The following IL36A variants were observed in gnomAD, a reference collection of about 807,000 sequenced individuals.
IL36A encodes interleukin-36 alpha.
A neutral mutation model predicts 12.7 loss-of-function variants in IL36A; 13 were observed. The observed-to-expected ratio is 1.02, with a 90% CI of 0.67 to 1.63. IL36A has a LOEUF of 1.63. Among genes scored for constraint, IL36A ranks in the 40% most tolerant of loss-of-function variants. The pLI, the probability that IL36A is intolerant of heterozygous loss-of-function variation, is 0.00. For synonymous variants in IL36A, 73 were observed against 71.9 expected, an observed-to-expected ratio of 1.01 and a Z score of -0.08; for missense variants, 195 against 192.9, an observed-to-expected ratio of 1.01 and a Z score of -0.07.
downstream of IL36A, among the ~76,000 whole-genome samples, chr2:113,010,003 A>G (rs975488576): frequency 2.0e-5 from 3 of 150,046 alleles, no homozygotes; most frequent in African/African-American, 7.5e-5. Flanking sequence ...TATTTTGAAG[A>G]CTTCTTTTTA....
At chr2:113,008,971 T>TC (rs1684688779), downstream of IL36A, among the ~76,000 whole-genome samples, 1 of 38,132 alleles carries the variant, frequency 2.6e-5, no homozygotes, top group African/African-American at 1.1e-4. Context: ...CCCTCCCCCC[T>TC]CCCCCCACCC....
chr2:113,010,216 C>T (rs1417049512), downstream of IL36A, among the ~76,000 whole-genome samples: 1 of 152,156 alleles, frequency 6.6e-6, no homozygotes, highest in African/African-American at 2.4e-5. Context: ...AATTCCAGGG[C>T]CCTGCAGGCA....
chr2:113,005,978 G>C lies in IL36A; in HGVS notation c.15G>C (p.Leu5Phe), dbSNP rs764837494. ...ACATTTTGACTTTCTCAACAGCATT[G>C]AAAATTGACACACCTCAGCAGGGGA... MEKALKIDTPQQGSI... is the reference protein window; with the variant it reads MEKAFKIDTPQQGSI... Residue 5 changes from leucine (L) to phenylalanine (F), a missense_variant, in exon 2 of 4, where the codon TTG (leucine) becomes TTC (phenylalanine). Coordinates refer to ENST00000259211, the MANE Select transcript of IL36A (RefSeq NM_014440.3). 3.8e-5 allele frequency: 61 copies of C among 1,613,388 alleles called. No homozygotes were observed. The Middle Eastern group carries it at 6.6e-4, about 17-fold the overall frequency.
rs773138459 is a variant in IL36A at position 113,007,896 on chromosome 2, G to C, written c.329G>C (p.Ser110Thr). ...EPVKSFLFYH[S>T]QSGRNSTFES... ...GTGAAGTCCTTTCTCTTCTACCACA[G>C]CCAGAGTGGCAGGAACTCCACCTTC... The change falls in exon 4 of 4, where the codon AGC (serine) becomes ACC (threonine). Residue 110 changes from serine to threonine, a missense_variant. Physicochemically the swap from Ser to Thr is moderately conservative, Grantham distance 58. Coordinates refer to ENST00000259211, the MANE Select transcript of IL36A (RefSeq NM_014440.3). 1 of 1,614,162 alleles carries C rather than the reference G, an allele frequency of 6.2e-7. No homozygotes were observed. The highest frequency in any genetic ancestry group is 1.3e-5 in the African/African-American group (1 of 75,042).
intron 3 of IL36A, 67 bp from the exon 4 acceptor site, chr2:113,007,765 G>A: frequency 7.8e-7 from 1 of 1,275,892 alleles, no homozygotes; most frequent in Non-Finnish European, 1.1e-6. Context: ...TGGAATATCA[G>A]TGTGTAAAGA....
chr2:113,005,756 C>A lies in IL36A; in HGVS notation c.-116C>A. 8.5e-7 allele frequency: 1 copy of A among 1,176,344 alleles called. No individual in the cohort carries two copies. Among genetic ancestry groups the A allele is most frequent in the Non-Finnish European group, 1.3e-6 (1 of 781,482 alleles). 72.9% of individuals were successfully genotyped at this position (1,176,344 alleles called of 1,614,324 possible). ...GGTCACTGCTGGGCTGGCCGCCAGT[C>A]TTTCATCTGACCCAGGGTTAAACTG... On this transcript the variant is annotated 5_prime_UTR_variant, in exon 1 of 4. Transcript: ENST00000259211.
downstream of IL36A, among the ~76,000 whole-genome samples, chr2:113,010,878 T>C (rs1483254331): frequency 2.0e-5 from 3 of 152,216 alleles, no homozygotes. Context: ...CCTTCATTTC[T>C]CCTTCCCCCA....
chr2:113,006,827 C>A, intron 3 of IL36A, 90 bp downstream of exon 3: 5 of 1,403,332 alleles, frequency 3.6e-6, no homozygotes, highest in Middle Eastern at 2.3e-4. Context: ...TATGCTCATG[C>A]ATTTTTATTT....
chr2:113,006,643 AAGAC>A lies in IL36A; in HGVS notation c.174_177del (p.Asp58GlufsTer9). 6.2e-7 allele frequency: 1 copy of A among 1,614,134 alleles called. No individual in the cohort carries two copies. Among genetic ancestry groups the A allele is most frequent in the Non-Finnish European group, 8.5e-7 (1 of 1,180,002 alleles). On this transcript the variant is annotated frameshift_variant, in exon 3 of 4. Coordinates refer to ENST00000259211, the MANE Select transcript of IL36A (RefSeq NM_014440.3). LOFTEE classifies it high-confidence loss of function. ...TGCCGACATGTGGAGACCCTTGAGA[AAGAC>A]AGAGGGAACCCCATCTACCTGGGCC...
downstream of IL36A, chr2:113,008,095 A>C: frequency 6.8e-7 from 1 of 1,466,550 alleles, no homozygotes; most frequent in Non-Finnish European, 9.5e-7. Flanking sequence ...TCTTAGTATA[A>C]TCTTAGCCTG....
At chr2:113,009,864 C>T (rs959152382), downstream of IL36A, among the ~76,000 whole-genome samples, 1 of 152,194 alleles carries the variant, frequency 6.6e-6, no homozygotes. Flanking sequence ...AACTCACAAA[C>T]CATAAACTGA....
chr2:113,007,749 T>C lies in IL36A; in HGVS notation c.265-83T>C, dbSNP rs539055923. 4.4e-6 allele frequency: 5 copies of C among 1,125,120 alleles called. No individual in the cohort carries two copies. In the African/African-American group the frequency reaches 4.6e-5, roughly 10 times the overall value. 69.7% of individuals were successfully genotyped at this position (1,125,120 alleles called of 1,614,324 possible). A position where few individuals can be genotyped will look rare whatever the true frequency, so the allele number is the denominator to read the frequency against. ...TTCAATGAGTAGGGAATGCTATCCTTGGACGTGGAATATCAGTGTGTAAAG... is the reference window on the plus strand; with the variant it reads ...TTCAATGAGTAGGGAATGCTATCCTCGGACGTGGAATATCAGTGTGTAAAG... On this transcript the variant is annotated intron_variant, in intron 3 of 3. Transcript: ENST00000259211.
At chr2:113,009,893 A>G (rs978385302), downstream of IL36A, among the ~76,000 whole-genome samples, 1 of 152,248 alleles carries the variant, frequency 6.6e-6, no homozygotes, top group African/African-American at 2.4e-5. Context: ...GCATTCATCT[A>G]GAGAACACTT....
intron 2 of IL36A, 118 bp from the exon 3 acceptor site, chr2:113,006,480 G>A (rs929952719): frequency 9.1e-7 from 1 of 1,102,616 alleles, no homozygotes; most frequent in African/African-American, 1.6e-5. Flanking sequence ...TGGGTGGTGA[G>A]GTGACCATTC....
intron 2 of IL36A, 35 bp downstream of exon 2, chr2:113,006,122 T>C: frequency 7.5e-7 from 1 of 1,334,226 alleles, no homozygotes; most frequent in Non-Finnish European, 1.1e-6. Flanking sequence ...GCAGCTCCTT[T>C]GGCCAGTGCT....
downstream of IL36A, chr2:113,008,055 GT>G (rs777735633): frequency 7.1e-4 from 1,148 of 1,607,166 alleles, 1 homozygote; most frequent in Non-Finnish European, 9.2e-4. Flanking sequence ...GGTCAGTTGG[GT>G]TTGGAGGATA....
At chr2:113,009,927 C>T (rs1269291633), downstream of IL36A, among the ~76,000 whole-genome samples, 1 of 150,960 alleles carries the variant, frequency 6.6e-6, no homozygotes, top group Non-Finnish European at 1.5e-5. Flanking sequence ...CTTTTTAATC[C>T]TCTCTTATTT....
At position 113,006,105 on chromosome 2, in the gene IL36A, G is replaced by C. The variant is rs771173093; in HGVS notation, c.124+18G>C. The C allele has an allele frequency of 3.3e-6, 5 of 1,498,396 alleles. No homozygotes were observed. Among genetic ancestry groups the C allele is most frequent in the Non-Finnish European group, 4.7e-6 (5 of 1,074,744 alleles). 92.8% of individuals were successfully genotyped at this position (1,498,396 alleles called of 1,614,324 possible). On this transcript the variant is annotated intron_variant, in intron 2 of 3. Coordinates refer to ENST00000259211, the MANE Select transcript of IL36A (RefSeq NM_014440.3). ...GTCTCCAGGTGAGTAGCCACGGTCT[G>C]TGAAAGGCAGCTCCTTTGGCCAGTG...
At chr2:113,011,049 A>G (rs1306607838), downstream of IL36A, among the ~76,000 whole-genome samples, 4 of 152,098 alleles carry the variant, frequency 2.6e-5, no homozygotes, top group South Asian at 2.1e-4. Flanking sequence ...AAATGGCTGG[A>G]TTTTCTTCTT....
Sources: allele counts gnomAD v4.1 joint callset (sites outside exome capture counted in the v4.1 genomes callset), GRCh38; gene constraint gnomAD v4.1.1; transcripts MANE v1.5; gene names NCBI Gene and HGNC (gene_info 2026-07-23, HGNC 2026-07-21).